Variants in ANKMY1 observed in about 807,000 individuals in gnomAD.
ANKMY1 encodes ankyrin repeat and MYND domain-containing protein 1.
In ANKMY1, 98 loss-of-function variants were observed where a neutral mutation model predicts 102.0. The ratio of observed to expected loss-of-function variants is 0.96; its 90% CI spans 0.82 to 1.14. The LOEUF (loss-of-function observed/expected upper bound fraction) is 1.14. Among genes scored for constraint, ANKMY1 ranks in the 50% most tolerant of loss-of-function variants. The pLI is 0.00. For synonymous variants in ANKMY1, 582 were observed against 559.9 expected (o/e 1.04, Z -0.56); for missense variants, 1,330 against 1,347.6 (o/e 0.99, Z 0.20).
chr2:240,479,180 G>A (rs996585309), downstream of ANKMY1, among the ~76,000 whole-genome samples: 1 of 152,232 alleles, frequency 6.6e-6, no homozygotes, highest in Non-Finnish European at 1.5e-5. Context: ...TGAGCAGGGA[G>A]TGGAGCCTGC....
intron 4 of ANKMY1, among the ~76,000 whole-genome samples, chr2:240,546,845 G>A (rs559260163): frequency 2.2e-4 from 33 of 152,206 alleles, no homozygotes; most frequent in African/African-American, 6.5e-4. Context: ...ATACAGGAGC[G>A]CCCAGATTCA....
chr2:240,555,347 C>A (rs772264966), intron 2 of ANKMY1: 5 of 421,910 alleles, frequency 1.2e-5, no homozygotes, highest in Non-Finnish European at 1.7e-5. Flanking sequence ...GGCCTGCTGG[C>A]GGCATCTCCT....
intron 3 of ANKMY1, 101 bp from the exon 4 acceptor site, chr2:240,553,158 C>G: frequency 7.3e-7 from 1 of 1,373,008 alleles, no homozygotes; most frequent in Non-Finnish European, 9.9e-7. Flanking sequence ...TGAATGGGGA[C>G]CACCCAGGGC....
intron 15 of ANKMY1, among the ~76,000 whole-genome samples, chr2:240,494,666 G>A (rs2077022328): frequency 6.6e-6 from 1 of 152,128 alleles, no homozygotes; most frequent in Admixed American, 6.5e-5. Context: ...GAAAGGGTGT[G>A]GAACCCAGTG....
Position 240,554,967 on chromosome 2 carries a change from C to T in ANKMY1, c.235G>A (p.Val79Ile), listed in dbSNP as rs144850344. The change falls in exon 3 of 18, where the codon GTC (valine) becomes ATC (isoleucine). Residue 79 changes from valine to isoleucine, a missense_variant. Physicochemically the swap from Val to Ile is conservative, Grantham distance 29 (BLOSUM62 3). Transcript: ENST00000401804. Reference protein sequence around the residue: ...QDLRESYIQLVQGVQEWQDGC... With the variant: ...QDLRESYIQLIQGVQEWQDGC... ...TCCTGCCACTCCTGCACACCCTGGA[C>T]GAGCTGGATGTAGGACTCCCTCAGG... 8.1e-5 allele frequency: 130 copies of T among 1,614,094 alleles called. No homozygotes were observed. Among genetic ancestry groups the T allele is most frequent in the Admixed American group, 1.0e-4 (6 of 60,010 alleles).
upstream of ANKMY1, chr2:240,561,008 C>T (rs752876567): frequency 2.6e-6 from 4 of 1,536,030 alleles, no homozygotes; most frequent in African/African-American, 5.6e-5. Context: ...ACGGCCGCAG[C>T]CGCTCGGCCG....
In ANKMY1 at chr2:240,546,175, T is replaced by G. The variant is rs1481593634; in HGVS notation, c.480+6739A>C. Among the ~76,000 whole-genome samples, 3 of 152,136 alleles carry G rather than the reference T, an allele frequency of 2.0e-5. No homozygotes were observed. In the East Asian group the frequency reaches 5.8e-4, roughly 29 times the overall value. On this transcript the variant is annotated intron_variant, in intron 4 of 17. Transcript: ENST00000401804. ...ACAGTGGATCTCTCGGCAGAAACCC[T>G]ACAAGCCAGAAGAGAGTGGGGGCCA...
chr2:240,476,937 A>G (rs2074894718), downstream of ANKMY1, among the ~76,000 whole-genome samples: 1 of 152,250 alleles, frequency 6.6e-6, no homozygotes, highest in South Asian at 2.1e-4. Context: ...AAACTGCAAG[A>G]CAGTTATTTG....
intron 6 of ANKMY1, 93 bp downstream of exon 6, chr2:240,526,136 G>A (rs923689458): frequency 6.9e-7 from 1 of 1,457,462 alleles, no homozygotes; most frequent in Non-Finnish European, 9.6e-7. Flanking sequence ...CCTCAGCTCT[G>A]CTCCTGCAGA....
chr2:240,514,416 C>T (rs9283547), intron 9 of ANKMY1, among the ~76,000 whole-genome samples: 99,848 of 151,988 alleles, frequency 0.66, 33,239 homozygotes, highest in East Asian at 0.78. Flanking sequence ...AACCCTTACA[C>T]AGACACAGGA....
rs577886453 is a variant in ANKMY1, at chr2:240,555,625, G to GT, written c.147-571dup. On this transcript the variant is annotated intron_variant, in intron 2 of 17. Transcript: ENST00000401804. Reference sequence around the variant, plus strand: ...GAGCACAAACCAGGGTGGATTTGCCGTAACTCATAGGGCGTCCACAGACAG... The same window carrying GT: ...GAGCACAAACCAGGGTGGATTTGCCGTTAACTCATAGGGCGTCCACAGACAG... The GT allele has an allele frequency of 2.6e-4, 40 of 156,150 alleles. 3 individuals are homozygous for GT. The East Asian group carries it at 7.6e-3, about 29-fold the overall frequency. The allele number at this position is 156,150 out of a possible 1,614,324, so 9.7% of individuals were successfully genotyped here.
At chr2:240,480,351 C>G (rs1056023645) in intron 17 of ANKMY1, among the ~76,000 whole-genome samples, 2 of 152,242 alleles carry the variant, frequency 1.3e-5, no homozygotes, top group African/African-American at 4.8e-5. Context: ...CACCACTGCA[C>G]AGCTTCGCAC....
rs1472232635 is a variant in ANKMY1, at chr2:240,554,801, G to T, written c.336+65C>A. On this transcript the variant is annotated intron_variant, in intron 3 of 17. Coordinates refer to ENST00000401804, the MANE Select transcript of ANKMY1 (RefSeq NM_001282771.3). The stretch of plus-strand genomic sequence containing the variant: ...AAAAGTTCCCGTCCCATCACTCTTG[G>T]AAGGATAAAGGCCAGCCACCAGAGG... 9 of 1,578,706 alleles carry T rather than the reference G, an allele frequency of 5.7e-6. No homozygotes were observed. The Admixed American group carries it at 1.5e-4, about 27-fold the overall frequency.
At position 240,507,562 on chromosome 2, in the gene ANKMY1, G is replaced by A. The variant is rs767983882; in HGVS notation, c.2524C>T (p.Leu842=). ...CACCCCAGCCTCCTGCCCCTCACCA[G>A]GGCCAGCTTGCTGTCCATGTTCCTC... ...HQRNMDSKLA[L]IDRLISHGAD... is the part of the protein sequence containing the mutation. Residue 842 remains leucine, a splice_region_variant and synonymous_variant, in exon 13 of 18, where the codon CTG becomes TTG. Coordinates refer to ENST00000401804, the MANE Select transcript of ANKMY1 (RefSeq NM_001282771.3). 1 of 1,606,292 alleles carries A rather than the reference G, an allele frequency of 6.2e-7. No individual in the cohort carries two copies. The highest frequency in any genetic ancestry group is 1.7e-5 in the Admixed American group (1 of 59,336).
intron 15 of ANKMY1, among the ~76,000 whole-genome samples, chr2:240,491,207 C>T (rs2076615128): frequency 6.6e-6 from 1 of 151,310 alleles, no homozygotes; most frequent in Admixed American, 6.6e-5. Context: ...TTTTTTCATC[C>T]CTTTATTTCA....
In ANKMY1 at chr2:240,520,542, G is replaced by C. The variant is rs893399521; in HGVS notation, c.1833-9C>G. On this transcript the variant is annotated splice_polypyrimidine_tract_variant and intron_variant, in intron 8 of 17. Coordinates refer to ENST00000401804, the MANE Select transcript of ANKMY1 (RefSeq NM_001282771.3). This position sits in a 1 kb window ranked among gnomAD's most constrained non-coding sequence, Gnocchi z 4.8. ...GCCAGCGCTTCCTCCGCCTGAAAAAGACGGTGCGCCCGTGGGCCCCTGGAG... is the reference window on the plus strand; with the variant it reads ...GCCAGCGCTTCCTCCGCCTGAAAAACACGGTGCGCCCGTGGGCCCCTGGAG... 1.7e-5 allele frequency: 28 copies of C among 1,608,152 alleles called. No individual in the cohort carries two copies. Among genetic ancestry groups the C allele is most frequent in the Non-Finnish European group, 2.4e-5 (28 of 1,176,986 alleles).
the ANKMY1 span, among the ~76,000 whole-genome samples, chr2:240,472,365 C>T: frequency 1.3e-5 from 2 of 149,788 alleles, no homozygotes; most frequent in Non-Finnish European, 3.0e-5. Context: ...GAAGGCAGTC[C>T]TGCCCTCCCC....
intron 11 of ANKMY1, 78 bp from the exon 12 acceptor site, chr2:240,509,533 G>T: frequency 2.0e-6 from 2 of 1,011,292 alleles, no homozygotes; most frequent in Non-Finnish European, 1.5e-6. Context: ...TAATTTAAAT[G>T]CCATGAAATC....
intron 8 of ANKMY1, chr2:240,522,132 G>A (rs989439931): frequency 6.9e-6 from 1 of 145,134 alleles, no homozygotes; most frequent in Non-Finnish European, 1.6e-5. Context: ...TTTACAGAAC[G>A]CTGATTGGTC....
Sources: allele counts gnomAD v4.1 joint callset (sites outside exome capture counted in the v4.1 genomes callset), GRCh38; gene constraint gnomAD v4.1.1; non-coding constraint Gnocchi (gnomAD v3.1); transcripts MANE v1.5; gene names NCBI Gene and HGNC (gene_info 2026-07-23, HGNC 2026-07-21).